Variants in XKR9 observed in about 807,000 individuals in gnomAD.
The protein encoded by XKR9 is XK-related protein 9.
Under a neutral mutation model 32.0 loss-of-function variants are expected in XKR9, and 32 were observed. That is an observed-to-expected ratio of 1.00 (90% CI 0.76 to 1.34). The LOEUF is 1.34. Ranked by LOEUF, XKR9 falls within the 40% of genes most tolerant of loss-of-function variation. The pLI is 0.00. For missense variants in XKR9, 546 were observed against 429.7 expected, an observed-to-expected ratio of 1.27 and a Z score of -2.39; for synonymous variants, 168 against 143.4, an observed-to-expected ratio of 1.17 and a Z score of -1.22.
At chr8:70,716,556 T>G (rs1210169830) in intron 4 of XKR9, among the ~76,000 whole-genome samples, 5 of 152,086 alleles carry the variant, frequency 3.3e-5, no homozygotes, top group Non-Finnish European at 7.4e-5. Context: ...CATCAGATCT[T>G]GTGAGAACCT....
intron 4 of XKR9, among the ~76,000 whole-genome samples, chr8:70,730,939 G>A (rs137900569): frequency 8.7e-4 from 133 of 152,262 alleles, no homozygotes; most frequent in African/African-American, 3.0e-3. Context: ...GAAACCAAGG[G>A]AAAGTATCCC....
the XKR9 span, among the ~76,000 whole-genome samples, chr8:70,902,798 G>A: frequency 2.2e-3 from 340 of 152,250 alleles, 1 homozygote; most frequent in African/African-American, 7.1e-3. Context: ...TTGAGATAAC[G>A]TCTCATCAGT....
the XKR9 span, among the ~76,000 whole-genome samples, chr8:70,955,338 G>C: frequency 6.6e-6 from 1 of 152,174 alleles, no homozygotes; most frequent in African/African-American, 2.4e-5. Flanking sequence ...TCAGTCTTCA[G>C]TCCCTGGGGA....
chr8:70,944,043 C>T, the XKR9 span, among the ~76,000 whole-genome samples: 2 of 152,046 alleles, frequency 1.3e-5, no homozygotes, highest in Non-Finnish European at 2.9e-5. Context: ...GTTTACAATA[C>T]TGAAATGTTT....
At chr8:70,948,879 G>A in the XKR9 span, among the ~76,000 whole-genome samples, 1 of 152,182 alleles carries the variant, frequency 6.6e-6, no homozygotes, top group African/African-American at 2.4e-5. Context: ...GAATTCTTCA[G>A]GAAGTTGAAA....
At chr8:70,855,219 A>T in the XKR9 span, among the ~76,000 whole-genome samples, 18 of 152,100 alleles carry the variant, frequency 1.2e-4, no homozygotes, top group South Asian at 1.5e-3. Context: ...CAAAGAAGTT[A>T]AGAACCTCAA....
the XKR9 span, among the ~76,000 whole-genome samples, chr8:70,831,299 A>T: frequency 6.6e-6 from 1 of 152,080 alleles, no homozygotes; most frequent in East Asian, 1.9e-4. Flanking sequence ...TCAAAAAAAA[A>T]AAAAAAAAAA....
chr8:70,941,598 G>A, the XKR9 span, among the ~76,000 whole-genome samples: 1 of 152,082 alleles, frequency 6.6e-6, no homozygotes, highest in Admixed American at 6.6e-5. Flanking sequence ...TTTTATAATG[G>A]TGATATACTG....
the XKR9 span, among the ~76,000 whole-genome samples, chr8:70,827,379 T>C: frequency 6.6e-6 from 1 of 152,150 alleles, no homozygotes; most frequent in Non-Finnish European, 1.5e-5. Context: ...TTATTTAGTG[T>C]TCTTTTTAGC....
the XKR9 span, among the ~76,000 whole-genome samples, chr8:71,001,724 G>A: frequency 2.6e-5 from 4 of 152,212 alleles, no homozygotes; most frequent in East Asian, 7.7e-4. Flanking sequence ...GCCCTGACAT[G>A]GTGGAACTTA....
intron 2 of XKR9, among the ~76,000 whole-genome samples, chr8:70,775,738 A>C (rs1032013467): frequency 7.7e-5 from 11 of 142,708 alleles, no homozygotes; most frequent in Non-Finnish European, 4.7e-5. Context: ...TACATGGGGA[A>C]TATTGGTCAT....
the XKR9 span, among the ~76,000 whole-genome samples, chr8:70,861,767 G>T: frequency 6.6e-6 from 1 of 152,118 alleles, no homozygotes; most frequent in Non-Finnish European, 1.5e-5. Flanking sequence ...ATACATATTA[G>T]CTGTTCAACT....
chr8:70,782,735 T>C (rs1260876272), intron 2 of XKR9, among the ~76,000 whole-genome samples: 1 of 152,168 alleles, frequency 6.6e-6, no homozygotes, highest in Non-Finnish European at 1.5e-5. Flanking sequence ...CCATCCATGT[T>C]TTCAGAAATG....
the XKR9 span, among the ~76,000 whole-genome samples, chr8:70,992,115 T>C: frequency 6.6e-6 from 1 of 152,254 alleles, no homozygotes; most frequent in Non-Finnish European, 1.5e-5. Context: ...TCTTTTGATG[T>C]ACCCTGCAAA....
the XKR9 span, among the ~76,000 whole-genome samples, chr8:70,929,286 G>T: frequency 6.6e-6 from 1 of 152,094 alleles, no homozygotes; most frequent in Non-Finnish European, 1.5e-5. Flanking sequence ...GTCTGATGGA[G>T]GAATTTATAT....
the XKR9 span, among the ~76,000 whole-genome samples, chr8:70,908,319 C>G: frequency 4.0e-4 from 61 of 152,126 alleles, no homozygotes; most frequent in Middle Eastern, 3.4e-3. Flanking sequence ...TTTTTTAAAT[C>G]CATGTAATCT....
At chr8:70,777,250 T>C (rs1408163696) in intron 2 of XKR9, among the ~76,000 whole-genome samples, 2 of 152,030 alleles carry the variant, frequency 1.3e-5, no homozygotes, top group African/African-American at 4.8e-5. Context: ...AATGATGGTT[T>C]CCAGCTTCAT....
At chr8:70,864,649 C>A in the XKR9 span, among the ~76,000 whole-genome samples, 1 of 152,122 alleles carries the variant, frequency 6.6e-6, no homozygotes, top group East Asian at 1.9e-4. Context: ...TAAACCCAAG[C>A]CTTCATTTCA....
At chr8:70,704,864 T>C (rs1295233687) in intron 3 of XKR9, among the ~76,000 whole-genome samples, 1 of 152,202 alleles carries the variant, frequency 6.6e-6, no homozygotes, top group Non-Finnish European at 1.5e-5. Context: ...TCATTTTTTT[T>C]CTTCTGTACT....
Sources: gnomAD v4.1 joint callset for allele counts (sites outside exome capture counted in the v4.1 genomes callset) on GRCh38, gnomAD v4.1.1 for gene constraint, MANE v1.5 for transcripts, NCBI Gene and HGNC (gene_info 2026-07-23, HGNC 2026-07-21) for gene names.